Variants in COL4A1 observed in about 807,000 individuals in gnomAD.
COL4A1 encodes collagen alpha-1(IV) chain.
COL4A1 carries 40 observed loss-of-function variants against 216.6 expected under a neutral mutation model. That is an observed-to-expected ratio of 0.18 (90% CI 0.14 to 0.24). COL4A1 has a LOEUF of 0.24. Ranked by LOEUF, COL4A1 falls within the 10% of genes least tolerant of loss-of-function variation. The pLI is 1.00. For missense variants in COL4A1, 1,628 were observed against 2,196.8 expected (o/e 0.74, Z 5.18); for synonymous variants, 839 against 810.7 (o/e 1.03, Z -0.59).
At chr13:110,253,747 T>C (rs1882369414) in intron 1 of COL4A1, among the ~76,000 whole-genome samples, 1 of 144,800 alleles carries the variant, frequency 6.9e-6, no homozygotes, top group Non-Finnish European at 1.5e-5. Flanking sequence ...ATGTATTACA[T>C]ATACATATAA....
At chr13:110,217,585 C>T (rs756278520) in intron 2 of COL4A1, among the ~76,000 whole-genome samples, 4 of 152,166 alleles carry the variant, frequency 2.6e-5, no homozygotes, top group Admixed American at 6.5e-5. Context: ...AAGAAAGAAA[C>T]GAGAAACTTG....
Position 110,211,588 on chromosome 13 carries a change from CTTG to C in COL4A1, c.468+56_468+58del. Reference sequence around the variant, plus strand: ...TTAAAGAGAATGTGCTTCTATGGCACTTGTTGTAAACAGATTCCCTGTAATGAA... The same window carrying C: ...TTAAAGAGAATGTGCTTCTATGGCACTTGTAAACAGATTCCCTGTAATGAA... On this transcript the variant is annotated intron_variant, in intron 8 of 51. Transcript: ENST00000375820. The surrounding 1 kb of genome is among the most constrained non-coding windows in gnomAD (Gnocchi z 4.3). 1 of 1,537,280 alleles carries C rather than the reference CTTG, an allele frequency of 6.5e-7. No individual in the cohort carries two copies.
chr13:110,213,681 G>T, intron 4 of COL4A1, 101 bp downstream of exon 4: 1 of 1,204,258 alleles, frequency 8.3e-7, no homozygotes, highest in Non-Finnish European at 1.2e-6. Context: ...AGAGGAGATG[G>T]AGGACGAGGG....
intron 26 of COL4A1, among the ~76,000 whole-genome samples, chr13:110,184,746 T>C (rs139252766): frequency 0.015 from 2,218 of 152,280 alleles, 20 homozygotes; most frequent in Non-Finnish European, 0.02. Flanking sequence ...TGTCTTGCTC[T>C]GTCATCCAGG....
At chr13:110,203,469 G>A (rs1879336547) in intron 18 of COL4A1, 97 bp downstream of exon 18, 5 of 1,373,022 alleles carry the variant, frequency 3.6e-6, no homozygotes, top group Non-Finnish European at 4.2e-6. Flanking sequence ...CAGACCCAGG[G>A]TCCTCTCCTT....
At chr13:110,212,972 T>C (rs988172335) in intron 4 of COL4A1, among the ~76,000 whole-genome samples, 1 of 152,114 alleles carries the variant, frequency 6.6e-6, no homozygotes, top group Admixed American at 6.5e-5. Flanking sequence ...TTGCAGCAAC[T>C]TGAATGGAGC....
chr13:110,176,678 C>T lies in COL4A1; in HGVS notation c.2916G>A (p.Gly972=). ...IGEKGSRGDP[G]TPGVPGKDGQ... ...CGTCCTTTCCAGGCACTCCTGGGGT[C>T]CCAGGGTCTCCTCGGGATCCCTTCT... Residue 972 remains glycine (G), a synonymous_variant, in exon 35 of 52, where the codon GGG becomes GGA. Transcript: ENST00000375820. 6.2e-7 allele frequency: 1 copy of T among 1,614,158 alleles called. No homozygotes were observed. Among genetic ancestry groups the T allele is most frequent in the South Asian group, 1.1e-5 (1 of 91,084 alleles).
intron 20 of COL4A1, among the ~76,000 whole-genome samples, chr13:110,199,170 C>G (rs58702949): frequency 0.023 from 3,429 of 152,266 alleles, 104 homozygotes; most frequent in African/African-American, 0.074. Context: ...GACCATGTGC[C>G]CCTGGGAGAG....
rs1441365444 is a variant in COL4A1 at position 110,186,377 on chromosome 13, G to C, written c.1897+8C>G. On this transcript the variant is annotated splice_region_variant and intron_variant, in intron 26 of 51. Coordinates refer to ENST00000375820, the MANE Select transcript of COL4A1 (RefSeq NM_001845.6). ...TTCATGCTGCATCACGAGTTTCTCA[G>C]GCCTCACCTGGCAGGCCTGGGGATC... 1 of 1,612,878 alleles carries C rather than the reference G, an allele frequency of 6.2e-7. No homozygotes were observed. Among genetic ancestry groups the C allele is most frequent in the Admixed American group, 1.7e-5 (1 of 60,026 alleles).
chr13:110,218,306 CA>C lies in COL4A1; in HGVS notation c.145-4292del, dbSNP rs773285977. 3.3e-5 allele frequency among the ~76,000 whole-genome samples: 5 copies of C among 152,208 alleles called. No homozygotes were observed. The South Asian group carries it at 1.0e-3, about 32-fold the overall frequency. Reference sequence around the variant, plus strand: ...GAAATATTAGGATCACGGATCTTCACAATGGACTGAAGCACACACAGAGATG... The same window carrying C: ...GAAATATTAGGATCACGGATCTTCACATGGACTGAAGCACACACAGAGATG... On this transcript the variant is annotated intron_variant, in intron 2 of 51. Transcript: ENST00000375820.
rs1880318955 is a variant in COL4A1, at chr13:110,219,762, G to GTGTA, written c.145-5748_145-5747insTACA. Reference sequence around the variant, plus strand: ...TGTATATACATATGTGTATATATGCGTATATATGTATATATATGCGTATAT... The same window carrying GTGTA: ...TGTATATACATATGTGTATATATGCGTGTATATATATGTATATATATGCGTATAT... On this transcript the variant is annotated intron_variant, in intron 2 of 51. Transcript: ENST00000375820. Among the ~76,000 whole-genome samples the GTGTA allele has an allele frequency of 3.8e-5, 5 of 130,642 alleles. 1 individual carries two copies. Among genetic ancestry groups the GTGTA allele is most frequent in the African/African-American group, 1.3e-4 (5 of 37,626 alleles). The allele number at this position is 130,642 out of a possible 152,430, so 85.7% of individuals were successfully genotyped here. A position where few individuals can be genotyped will look rare whatever the true frequency, so the allele number is the denominator to read the frequency against.
chr13:110,162,130 A>G (rs1877113407), intron 48 of COL4A1, 100 bp downstream of exon 48: 2 of 1,100,620 alleles, frequency 1.8e-6, no homozygotes, highest in Middle Eastern at 2.0e-4. Context: ...TTCACTCGCT[A>G]CTGCCCTCAC....
At chr13:110,244,851 A>G (rs1881721690) in intron 1 of COL4A1, among the ~76,000 whole-genome samples, 1 of 152,212 alleles carries the variant, frequency 6.6e-6, no homozygotes, top group Non-Finnish European at 1.5e-5. Context: ...TAAGAAATCA[A>G]GAAGGGTACT....
intron 1 of COL4A1, among the ~76,000 whole-genome samples, chr13:110,253,666 T>A (rs56074949): frequency 3.0e-5 from 4 of 132,366 alleles, no homozygotes; most frequent in Non-Finnish European, 6.7e-5. Context: ...TATAATTATA[T>A]GTGTATGTAT....
At chr13:110,210,100 A>G (rs1566376895) in intron 9 of COL4A1, 29 bp downstream of exon 9, 2 of 1,613,978 alleles carry the variant, frequency 1.2e-6, no homozygotes, top group Non-Finnish European at 1.7e-6. Flanking sequence ...GAGGTGGCAC[A>G]TGTTCATAAT....
intron 1 of COL4A1, among the ~76,000 whole-genome samples, chr13:110,299,386 C>T (rs1443948400): frequency 6.6e-6 from 1 of 152,230 alleles, no homozygotes; most frequent in Non-Finnish European, 1.5e-5. Context: ...GAAGGAGATC[C>T]TTGTGTGGGC....
intron 10 of COL4A1, 91 bp downstream of exon 10, chr13:110,209,889 T>C (rs904616126): frequency 6.8e-7 from 1 of 1,463,972 alleles, no homozygotes; most frequent in South Asian, 1.1e-5. Flanking sequence ...CACAACTGTG[T>C]AAAGTTTTTA....
At chr13:110,214,138 G>C (rs1879955759) in intron 2 of COL4A1, 123 bp from the exon 3 acceptor site, 2 of 798,552 alleles carry the variant, frequency 2.5e-6, no homozygotes, top group Middle Eastern at 6.4e-4. Context: ...CTGTTGCCCA[G>C]GCTGGAGTGC....
At chr13:110,290,691 G>C (rs936928030) in intron 1 of COL4A1, among the ~76,000 whole-genome samples, 1 of 152,156 alleles carries the variant, frequency 6.6e-6, no homozygotes, top group East Asian at 1.9e-4. Context: ...TTTTTATTTT[G>C]TTTTACATTT....
Sources: allele counts gnomAD v4.1 joint callset (sites outside exome capture counted in the v4.1 genomes callset), GRCh38; gene constraint gnomAD v4.1.1; non-coding constraint Gnocchi (gnomAD v3.1); transcripts MANE v1.5; gene names NCBI Gene and HGNC (gene_info 2026-07-23, HGNC 2026-07-21).